Variants in FBRSL1 observed in about 807,000 individuals in gnomAD.
The protein encoded by FBRSL1 is fibrosin like 1.
FBRSL1 carries 51 observed loss-of-function variants against 89.6 expected under a neutral mutation model. The observed-to-expected ratio is 0.57, with a 90% CI of 0.45 to 0.72. FBRSL1 has a LOEUF of 0.72. Ranked by LOEUF, FBRSL1 falls within the 30% of genes least tolerant of loss-of-function variation. FBRSL1 has a pLI of 0.00. For missense variants in FBRSL1, 1,618 were observed against 1,451.8 expected (o/e 1.11, Z -1.86); for synonymous variants, 779 against 681.1 (o/e 1.14, Z -2.24).
intron 1 of FBRSL1, among the ~76,000 whole-genome samples, chr12:132,501,091 C>T (rs114186958): frequency 1.0e-3 from 159 of 152,314 alleles, no homozygotes; most frequent in African/African-American, 3.7e-3. Flanking sequence ...TGATGTGGAC[C>T]GGGCCCCTGA....
chr12:132,543,453 G>A (rs1427744323), intron 4 of FBRSL1, among the ~76,000 whole-genome samples: 1 of 152,246 alleles, frequency 6.6e-6, no homozygotes, highest in Non-Finnish European at 1.5e-5. Context: ...CAGGGCTGGG[G>A]CCCAGAAGCT....
At chr12:132,578,479 G>A (rs2040530417) in intron 15 of FBRSL1, among the ~76,000 whole-genome samples, 1 of 152,138 alleles carries the variant, frequency 6.6e-6, no homozygotes, top group Non-Finnish European at 1.5e-5. Context: ...GGCCGGTCTC[G>A]CTGTCTCAGG....
chr12:132,562,474 A>G (rs2039213337), intron 5 of FBRSL1, among the ~76,000 whole-genome samples: 1 of 108,800 alleles, frequency 9.2e-6, no homozygotes, highest in South Asian at 3.1e-4. Context: ...ACCTCCTCAG[A>G]AGGATGTCCT....
intron 1 of FBRSL1, among the ~76,000 whole-genome samples, 191 bp from the exon 2 acceptor site, chr12:132,507,962 G>A (rs1347267991): frequency 1.3e-5 from 2 of 152,158 alleles, no homozygotes; most frequent in African/African-American, 2.4e-5. Context: ...CCCCCATCCC[G>A]CAGCAGCATC....
intron 5 of FBRSL1, among the ~76,000 whole-genome samples, chr12:132,549,415 G>C (rs943502391): frequency 1.7e-4 from 26 of 152,188 alleles, no homozygotes; most frequent in Admixed American, 1.6e-3. Flanking sequence ...TTCCGCGCCC[G>C]AACCGTGACG....
intron 2 of FBRSL1, among the ~76,000 whole-genome samples, chr12:132,514,327 C>T (rs2034639053): frequency 6.6e-6 from 1 of 152,172 alleles, no homozygotes. Context: ...AGTCCTGGGG[C>T]CTCGGAGGGA....
At chr12:132,564,917 CGG>C (rs1566213293) in intron 5 of FBRSL1, among the ~76,000 whole-genome samples, 2 of 147,614 alleles carry the variant, frequency 1.4e-5, no homozygotes, top group African/African-American at 5.4e-5. Context: ...GCGTGAGCCG[CGG>C]CCGGCCGCCC....
At chr12:132,558,254 C>T (rs78980086) in intron 5 of FBRSL1, among the ~76,000 whole-genome samples, 1,655 of 152,358 alleles carry the variant, frequency 0.011, 38 homozygotes, top group African/African-American at 0.038. Context: ...GGCCCACCAC[C>T]TTCCCAGGGG....
intron 1 of FBRSL1, among the ~76,000 whole-genome samples, chr12:132,496,207 AC>A (rs927127726): frequency 9.2e-5 from 14 of 152,142 alleles, no homozygotes; most frequent in African/African-American, 3.1e-4. Context: ...AGGGAGTCAG[AC>A]CCACACTAGA....
Position 132,572,320 on chromosome 12 carries a change from C to T in FBRSL1, c.1410C>T (p.Pro470=). The T allele has an allele frequency of 3.9e-6, 6 of 1,551,222 alleles. No individual in the cohort carries two copies. Among genetic ancestry groups the T allele is most frequent in the Non-Finnish European group, 4.4e-6 (5 of 1,146,754 alleles). ...FDKYAPKLDS[P]YFRHSSVSFF... ...AGTATGCGCCCAAGCTGGACAGCCCCTACTTCCGACATTCCAGCGTGAGTG... is the reference window on the plus strand; with the variant it reads ...AGTATGCGCCCAAGCTGGACAGCCCTTACTTCCGACATTCCAGCGTGAGTG... The change falls in exon 10 of 19, where the codon CCC becomes CCT. Residue 470 remains proline (P), a synonymous_variant. Coordinates refer to ENST00000680143, the MANE Select transcript of FBRSL1 (RefSeq NM_001367871.1).
intron 15 of FBRSL1, 86 bp downstream of exon 15, chr12:132,577,017 A>C: frequency 6.7e-7 from 1 of 1,482,426 alleles, no homozygotes; most frequent in Admixed American, 2.2e-5. Flanking sequence ...CAGGAGTGAG[A>C]GCGCTCTCTG....
chr12:132,576,970 C>T, intron 15 of FBRSL1, 39 bp downstream of exon 15: 2 of 1,532,438 alleles, frequency 1.3e-6, no homozygotes, highest in Non-Finnish European at 1.8e-6. Context: ...GCACAGAAAC[C>T]TCCCGCTCGT....
At chr12:132,517,684 G>C (rs112424884) in intron 2 of FBRSL1, among the ~76,000 whole-genome samples, 1 of 152,192 alleles carries the variant, frequency 6.6e-6, no homozygotes, top group Non-Finnish European at 1.5e-5. Flanking sequence ...CTCTGGTGGC[G>C]TGTGCCTGAG....
Position 132,490,669 on chromosome 12 carries a change from G to A in FBRSL1, c.99G>A (p.Ser33=). The A allele has an allele frequency of 1.0e-6, 1 of 998,178 alleles. No homozygotes were observed. The highest frequency in any genetic ancestry group is 1.2e-6 in the Non-Finnish European group (1 of 835,220). The allele number at this position is 998,178 out of a possible 1,614,324, so 61.8% of individuals were successfully genotyped here. ...AARDARAQSP[S]SGDEPEPSPG... ...GCGACGCCCGCGCCCAGAGTCCGTCGTCGGGCGACGAGCCCGAGCCCAGCC... is the reference window on the plus strand; with the variant it reads ...GCGACGCCCGCGCCCAGAGTCCGTCATCGGGCGACGAGCCCGAGCCCAGCC... Residue 33 remains serine (S), a synonymous_variant, in exon 1 of 19, where the codon TCG becomes TCA. Transcript: ENST00000680143.
At chr12:132,503,118 A>T (rs1226482325) in intron 1 of FBRSL1, among the ~76,000 whole-genome samples, 1 of 47,084 alleles carries the variant, frequency 2.1e-5, no homozygotes, top group Non-Finnish European at 4.7e-5. Context: ...CTCCCACCCC[A>T]CCCCCCAGGA....
chr12:132,526,575 A>G (rs1180508599), intron 3 of FBRSL1, among the ~76,000 whole-genome samples: 1 of 152,116 alleles, frequency 6.6e-6, no homozygotes, highest in Non-Finnish European at 1.5e-5. Context: ...GGGGCCCTTC[A>G]GGAGCTGACC....
chr12:132,545,444 C>A (rs1200860660), intron 4 of FBRSL1, among the ~76,000 whole-genome samples: 1 of 152,268 alleles, frequency 6.6e-6, no homozygotes, highest in Non-Finnish European at 1.5e-5. Flanking sequence ...CTGCCTGCGC[C>A]TGGCTGACAG....
intron 15 of FBRSL1, among the ~76,000 whole-genome samples, chr12:132,579,309 G>A (rs894591027): frequency 7.9e-5 from 12 of 152,156 alleles, no homozygotes; most frequent in African/African-American, 2.7e-4. Context: ...AGAGGGATTC[G>A]TACGTCATCT....
intron 4 of FBRSL1, among the ~76,000 whole-genome samples, chr12:132,534,514 C>T (rs920658738): frequency 3.3e-5 from 5 of 152,246 alleles, no homozygotes; most frequent in African/African-American, 1.2e-4. Context: ...CCCTGTCCAC[C>T]TTTTTCTCCT....
Sources: gnomAD v4.1 joint callset for allele counts (sites outside exome capture counted in the v4.1 genomes callset) on GRCh38, gnomAD v4.1.1 for gene constraint, MANE v1.5 for transcripts, NCBI Gene and HGNC (gene_info 2026-07-23, HGNC 2026-07-21) for gene names.